Variants in MYO5B observed in about 807,000 individuals in gnomAD.
The protein encoded by MYO5B is myosin VB, also known as unconventional myosin-Vb.
MYO5B carries 143 observed loss-of-function variants against 229.3 expected under a neutral mutation model. The ratio of observed to expected loss-of-function variants is 0.62; its 90% CI spans 0.54 to 0.72. The LOEUF is 0.72. MYO5B is among the 30% of genes least tolerant of loss of function. The probability of loss-of-function intolerance (pLI) is 0.00; values close to 1 mark genes in which losing one functional copy is unlikely to be tolerated. For missense variants in MYO5B, 2,321 were observed against 2,331.0 expected, an observed-to-expected ratio of 1.00 and a Z score of 0.09; for synonymous variants, 918 against 885.2, an observed-to-expected ratio of 1.04 and a Z score of -0.66.
chr18:49,940,006 T>C (rs1382838907), intron 14 of MYO5B, among the ~76,000 whole-genome samples: 2 of 152,138 alleles, frequency 1.3e-5, no homozygotes, highest in African/African-American at 4.8e-5. Flanking sequence ...CAGCTCATGC[T>C]CTGGTGATGC....
intron 10 of MYO5B, among the ~76,000 whole-genome samples, chr18:49,965,484 C>CA (rs3221123): frequency 2.0e-5 from 3 of 148,870 alleles, no homozygotes; most frequent in East Asian, 2.0e-4. Flanking sequence ...CACACACACA[C>CA]CTCTTCTCAT....
chr18:49,977,532 T>TTC (rs1480917510), intron 9 of MYO5B, among the ~76,000 whole-genome samples: 1 of 152,120 alleles, frequency 6.6e-6, no homozygotes, highest in East Asian at 1.9e-4. Context: ...CAAGCACACA[T>TTC]TCTGTGCCTG....
At chr18:50,010,524 C>T (rs2026150539) in intron 4 of MYO5B, among the ~76,000 whole-genome samples, 1 of 152,206 alleles carries the variant, frequency 6.6e-6, no homozygotes, top group Non-Finnish European at 1.5e-5. Context: ...GGATCTCCTG[C>T]TACTCCTATA....
chr18:49,972,782 G>A (rs919001327), intron 10 of MYO5B, among the ~76,000 whole-genome samples: 1 of 152,084 alleles, frequency 6.6e-6, no homozygotes, highest in Non-Finnish European at 1.5e-5. Flanking sequence ...TACAAGGGCT[G>A]AGCACAAGGC....
intron 14 of MYO5B, among the ~76,000 whole-genome samples, chr18:49,948,046 A>C (rs1810388548): frequency 7.2e-6 from 1 of 139,626 alleles, no homozygotes; most frequent in Non-Finnish European, 1.6e-5. Context: ...ATGTACCCTA[A>C]AACTTAAAGT....
At position 49,921,278 on chromosome 18, in the gene MYO5B, T is replaced by A. The variant is rs866687734; in HGVS notation, c.2090+8234A>T. The stretch of plus-strand genomic sequence containing the variant: ...AGAGTTTTTTTTTTTTTTTTTTTTT[T>A]ATAATATCAACATTTGTACATTCCC... On this transcript the variant is annotated intron_variant, in intron 17 of 39. Coordinates refer to ENST00000285039, the MANE Select transcript of MYO5B (RefSeq NM_001080467.3). 6.1e-4 allele frequency among the ~76,000 whole-genome samples: 79 copies of A among 128,602 alleles called. No individual in the cohort carries two copies. The East Asian group carries it at 7.6e-3, about 12-fold the overall frequency. 84.4% of individuals were successfully genotyped at this position (128,602 alleles called of 152,430 possible).
At chr18:49,849,475 G>T (rs2024171965) in intron 32 of MYO5B, 92 bp downstream of exon 32, 3 of 915,088 alleles carry the variant, frequency 3.3e-6, no homozygotes, top group Non-Finnish European at 1.8e-6. Context: ...GATGTAGGAA[G>T]AATGTGCAGA....
chr18:50,148,453 G>A (rs936416108), intron 1 of MYO5B, among the ~76,000 whole-genome samples: 48 of 151,192 alleles, frequency 3.2e-4, no homozygotes, highest in African/African-American at 1.1e-3. Flanking sequence ...CTGGCAAACC[G>A]AATCCAGCAG....
intron 1 of MYO5B, among the ~76,000 whole-genome samples, chr18:50,062,128 G>A (rs1276883375): frequency 1.3e-5 from 2 of 151,808 alleles, no homozygotes; most frequent in East Asian, 1.9e-4. Context: ...TGCTGAGTAT[G>A]TATTTTATAC....
intron 1 of MYO5B, among the ~76,000 whole-genome samples, chr18:50,149,810 G>T (rs1301909074): frequency 6.6e-6 from 1 of 152,094 alleles, no homozygotes; most frequent in Non-Finnish European, 1.5e-5. Flanking sequence ...AAAAGCAATG[G>T]CAAGAGCCAA....
chr18:49,980,775 A>G (rs560667350), intron 8 of MYO5B, among the ~76,000 whole-genome samples: 1 of 152,262 alleles, frequency 6.6e-6, no homozygotes, highest in African/African-American at 2.4e-5. Flanking sequence ...TATCTTCACT[A>G]TGATCGTCCT....
chr18:50,122,705 TA>T (rs2032088974), intron 1 of MYO5B, among the ~76,000 whole-genome samples: 1 of 125,428 alleles, frequency 8.0e-6, no homozygotes, highest in South Asian at 2.5e-4. Flanking sequence ...ATCTCAAAAA[TA>T]ATAAATAAAA....
At chr18:49,964,793 C>G (rs2025603411) in intron 10 of MYO5B, among the ~76,000 whole-genome samples, 1 of 152,194 alleles carries the variant, frequency 6.6e-6, no homozygotes, top group Non-Finnish European at 1.5e-5. Flanking sequence ...AATATCAACA[C>G]TATCATTCAT....
At chr18:50,059,623 T>C (rs1568090454) in intron 1 of MYO5B, among the ~76,000 whole-genome samples, 2 of 152,238 alleles carry the variant, frequency 1.3e-5, no homozygotes, top group African/African-American at 2.4e-5. Flanking sequence ...ATTGAGATTA[T>C]AGCAGTTCAT....
chr18:49,938,758 C>A (rs1449358935), intron 14 of MYO5B, among the ~76,000 whole-genome samples: 1 of 152,186 alleles, frequency 6.6e-6, no homozygotes, highest in African/African-American at 2.4e-5. Flanking sequence ...GCTCACTACT[C>A]CTGCCTCTAT....
Position 49,950,579 on chromosome 18 carries a change from A to T in MYO5B, c.1752+2681T>A, listed in dbSNP as rs1160125157. ...GTACTCGTGTGGAAAGACAACCAAGATACAATGGTAACTGAAAAATTAAAT... is the reference window on the plus strand; with the variant it reads ...GTACTCGTGTGGAAAGACAACCAAGTTACAATGGTAACTGAAAAATTAAAT... On this transcript the variant is annotated intron_variant, in intron 14 of 39. Transcript: ENST00000285039. Among the ~76,000 whole-genome samples, 7 of 152,306 alleles carry T rather than the reference A, an allele frequency of 4.6e-5. 1 individual carries two copies. The highest frequency in any genetic ancestry group is 4.6e-4 in the Admixed American group (7 of 15,304).
At position 49,877,864 on chromosome 18, in the gene MYO5B, G is replaced by A. The variant is rs751484609; in HGVS notation, c.3295C>T (p.Arg1099Trp). ...TIIKQTPGHR[R>W]NPSNQSSLES... ...AAGCTACTTTGGTTTGATGGGTTCC[G>A]CCTATGACCTGGAGTTTGCTGTTCA... The change falls in exon 25 of 40, where the codon CGG becomes TGG. Residue 1099 changes from arginine (R) to tryptophan (W), a missense_variant. Physicochemically the swap from Arg to Trp is moderately radical, Grantham distance 101 (BLOSUM62 -3). Coordinates refer to ENST00000285039, the MANE Select transcript of MYO5B (RefSeq NM_001080467.3). 1.5e-5 allele frequency: 24 copies of A among 1,613,962 alleles called. No individual in the cohort carries two copies. Among genetic ancestry groups the A allele is most frequent in the Middle Eastern group, 1.6e-4 (1 of 6,082 alleles).
intron 4 of MYO5B, among the ~76,000 whole-genome samples, chr18:50,035,377 C>T (rs1326623946): frequency 6.6e-6 from 1 of 152,216 alleles, no homozygotes; most frequent in Non-Finnish European, 1.5e-5. Flanking sequence ...CCACATCTAC[C>T]TTCTCTTTCA....
intron 1 of MYO5B, among the ~76,000 whole-genome samples, chr18:50,067,690 G>A (rs1401625636): frequency 2.0e-5 from 3 of 152,150 alleles, no homozygotes; most frequent in African/African-American, 4.8e-5. Flanking sequence ...CTCTTGCCAT[G>A]TGATCTCCAC....
Sources: allele counts gnomAD v4.1 joint callset (sites outside exome capture counted in the v4.1 genomes callset), GRCh38; gene constraint gnomAD v4.1.1; transcripts MANE v1.5; gene names NCBI Gene and HGNC (gene_info 2026-07-23, HGNC 2026-07-21).